Variants in GSAP observed in about 807,000 individuals in gnomAD.
GSAP encodes the protein gamma-secretase-activating protein.
Under a neutral mutation model 131.7 loss-of-function variants are expected in GSAP, and 118 were observed. The ratio of observed to expected loss-of-function variants is 0.90; its 90% CI spans 0.77 to 1.04. The LOEUF is 1.04. GSAP is among the 50% of genes least tolerant of loss of function. GSAP has a pLI of 0.00. For synonymous variants in GSAP, 381 were observed against 363.4 expected (o/e 1.05, Z -0.55); for missense variants, 1,019 against 1,013.2 (o/e 1.01, Z -0.08).
chr7:77,372,353 C>A (rs1024104630), intron 12 of GSAP, among the ~76,000 whole-genome samples: 1 of 152,130 alleles, frequency 6.6e-6, no homozygotes, highest in African/African-American at 2.4e-5. Context: ...TGATGGAATC[C>A]TGACTTTAAA....
At chr7:77,408,164 TTAAC>T (rs1310463901) in intron 1 of GSAP, among the ~76,000 whole-genome samples, 5 of 152,190 alleles carry the variant, frequency 3.3e-5, no homozygotes, top group African/African-American at 1.2e-4. Flanking sequence ...TTGGTGAAAA[TTAAC>T]TAAGCTGTGA....
chr7:77,409,078 G>A (rs2151203789), intron 1 of GSAP, among the ~76,000 whole-genome samples: 1 of 152,278 alleles, frequency 6.6e-6, no homozygotes, highest in South Asian at 2.1e-4. Context: ...CTATACATGG[G>A]TATAAACGTT....
chr7:77,406,085 CATA>C lies in GSAP; in HGVS notation c.127_129del (p.Tyr43del), dbSNP rs1209833698. 1.6e-5 allele frequency: 20 copies of C among 1,216,168 alleles called. No homozygotes were observed. Among genetic ancestry groups the C allele is most frequent in the Non-Finnish European group, 2.0e-5 (18 of 919,106 alleles). 75.3% of individuals were successfully genotyped at this position (1,216,168 alleles called of 1,614,324 possible). A position where few individuals can be genotyped will look rare whatever the true frequency, so the allele number is the denominator to read the frequency against. On this transcript the variant is annotated inframe_deletion, in exon 2 of 31. Transcript: ENST00000257626. ...TCAACATTTAATACATGTAAGCTCT[CATA>C]ATCGTTTTCTAAAACATCTGAAATG...
chr7:77,393,149 A>G (rs903986128), intron 5 of GSAP, among the ~76,000 whole-genome samples: 2 of 152,226 alleles, frequency 1.3e-5, no homozygotes, highest in Non-Finnish European at 1.5e-5. Context: ...TGTCTCATCT[A>G]CAGTGGAAAA....
In GSAP at chr7:77,355,235, C is replaced by T. The variant is rs757750297; in HGVS notation, c.1316G>A (p.Gly439Asp). ...CACCTGGGCTTCCAGGAACTGCGCA[C>T]CTTGACCGCAGTAGAGCGCGCAGTG... ...ALHCALYCGQ[G>D]AQFLEAQIIQ... The change falls in exon 16 of 31, where the codon GGT becomes GAT. Residue 439 changes from glycine (G) to aspartate (D), a missense_variant. Physicochemically the swap from Gly to Asp is moderately conservative, Grantham distance 94 (BLOSUM62 -1). Coordinates refer to ENST00000257626, the MANE Select transcript of GSAP (RefSeq NM_017439.4). 1 of 1,613,500 alleles carries T rather than the reference C, an allele frequency of 6.2e-7. No individual in the cohort carries two copies. Among genetic ancestry groups the T allele is most frequent in the Non-Finnish European group, 8.5e-7 (1 of 1,179,482 alleles).
At chr7:77,355,709 C>T (rs1423136721) in intron 14 of GSAP, 62 bp from the exon 15 acceptor site, 2 of 911,852 alleles carry the variant, frequency 2.2e-6, no homozygotes, top group Non-Finnish European at 3.6e-6. Flanking sequence ...TACAGAATGT[C>T]ACATTATCCC....
intron 19 of GSAP, among the ~76,000 whole-genome samples, chr7:77,349,034 C>A (rs1487194177): frequency 2.6e-5 from 4 of 152,180 alleles, no homozygotes; most frequent in African/African-American, 9.7e-5. Context: ...CTCTAAAGAT[C>A]ATCTACAAGA....
At chr7:77,345,730 G>T (rs1388190134) in intron 19 of GSAP, among the ~76,000 whole-genome samples, 2 of 151,926 alleles carry the variant, frequency 1.3e-5, no homozygotes, top group African/African-American at 4.8e-5. Flanking sequence ...TGTAATTTTT[G>T]ACTACCCACC....
chr7:77,377,761 C>A (rs1455343745), intron 8 of GSAP, among the ~76,000 whole-genome samples: 1 of 152,182 alleles, frequency 6.6e-6, no homozygotes, highest in Non-Finnish European at 1.5e-5. Context: ...CAGACAAGAG[C>A]CCTCCACTAC....
intron 3 of GSAP, among the ~76,000 whole-genome samples, chr7:77,404,226 C>T (rs1228651237): frequency 6.6e-6 from 1 of 152,248 alleles, no homozygotes; most frequent in Non-Finnish European, 1.5e-5. Flanking sequence ...CTGAAACAAA[C>T]TGCCATGGCT....
intron 19 of GSAP, among the ~76,000 whole-genome samples, chr7:77,338,915 CCA>C (rs1466561668): frequency 8.5e-5 from 13 of 152,108 alleles, no homozygotes; most frequent in Admixed American, 8.5e-4. Flanking sequence ...TATTCAGTTC[CCA>C]CACACACACC....
intron 14 of GSAP, 135 bp downstream of exon 14, chr7:77,360,689 T>C: frequency 1.7e-6 from 1 of 573,954 alleles, no homozygotes; most frequent in South Asian, 2.1e-5. Context: ...TCATCAGATT[T>C]CAAGTGGGTC....
At chr7:77,337,301 T>TGGG (rs34134192) in intron 19 of GSAP, among the ~76,000 whole-genome samples, 60 of 65,706 alleles carry the variant, frequency 9.1e-4, no homozygotes, top group African/African-American at 2.3e-3. Flanking sequence ...GGGGGTGGGG[T>TGGG]GGGGGGGGGG....
intron 19 of GSAP, among the ~76,000 whole-genome samples, chr7:77,334,580 T>TAAAAAAAAAAAAAAAAA (rs57442782): frequency 1.2e-5 from 1 of 81,924 alleles, no homozygotes; most frequent in Non-Finnish European, 2.2e-5. Flanking sequence ...ACTTAAAATT[T>TAAAAAAAAAAAAAAAAA]AAAAAAAAAA....
At chr7:77,313,404 A>C (rs1184286213) in intron 28 of GSAP, 84 bp downstream of exon 28, 1 of 723,216 alleles carries the variant, frequency 1.4e-6, no homozygotes, top group East Asian at 2.6e-5. Context: ...AACCCAAAGC[A>C]AGTAAATGCT....
Position 77,353,038 on chromosome 7 carries a change from T to A in GSAP, c.1409-12A>T, listed in dbSNP as rs768184937. On this transcript the variant is annotated splice_polypyrimidine_tract_variant and intron_variant, in intron 17 of 30. Coordinates refer to ENST00000257626, the MANE Select transcript of GSAP (RefSeq NM_017439.4). ...CCAGTATGAAGAAGCTGAGTAGATT[T>A]TTTTTGAAACAGGGGGAAAAAAGAT... 4 of 1,525,472 alleles carry A rather than the reference T, an allele frequency of 2.6e-6. No homozygotes were observed. The highest frequency in any genetic ancestry group is 3.6e-6 in the Non-Finnish European group (4 of 1,100,536). 94.5% of individuals were successfully genotyped at this position (1,525,472 alleles called of 1,614,324 possible). A position where few individuals can be genotyped will look rare whatever the true frequency, so the allele number is the denominator to read the frequency against.
chr7:77,353,967 A>G (rs1793279877), intron 16 of GSAP, among the ~76,000 whole-genome samples: 1 of 152,174 alleles, frequency 6.6e-6, no homozygotes, highest in Non-Finnish European at 1.5e-5. Context: ...GGGATACAGG[A>G]AAAAAAGAAA....
intron 3 of GSAP, among the ~76,000 whole-genome samples, chr7:77,398,745 G>C (rs1411312118): frequency 6.6e-6 from 1 of 151,648 alleles, no homozygotes; most frequent in Non-Finnish European, 1.5e-5. Context: ...TCCAGCCCAA[G>C]TGACAGAGTG....
At chr7:77,377,489 A>G in intron 8 of GSAP, 99 bp from the exon 9 acceptor site, 1 of 1,307,910 alleles carries the variant, frequency 7.6e-7, no homozygotes, top group Middle Eastern at 2.4e-4. Flanking sequence ...TATCTTTATG[A>G]TACATGTAAA....
Sources: gnomAD v4.1 joint callset for allele counts (sites outside exome capture counted in the v4.1 genomes callset) on GRCh38, gnomAD v4.1.1 for gene constraint, MANE v1.5 for transcripts, NCBI Gene and HGNC (gene_info 2026-07-23, HGNC 2026-07-21) for gene names.